TENT2: variants seen among roughly 807,000 people sequenced by gnomAD.
TENT2 encodes terminal nucleotidyltransferase 2.
A neutral mutation model predicts 72.2 loss-of-function variants in TENT2; 44 were observed. The ratio of observed to expected loss-of-function variants is 0.61; its 90% confidence interval spans 0.48 to 0.78. The LOEUF is 0.78. Ranked by LOEUF, TENT2 falls within the 30% of genes least tolerant of loss-of-function variation. TENT2 has a pLI of 0.00. For missense variants in TENT2, 541 were observed against 569.6 expected (o/e 0.95, Z 0.51); for synonymous variants, 212 against 192.5 (o/e 1.10, Z -0.84).
intron 10 of TENT2, among the ~76,000 whole-genome samples, chr5:79,654,418 C>T (rs535639435): frequency 2.7e-5 from 4 of 149,512 alleles, no homozygotes; most frequent in African/African-American, 7.4e-5. Context: ...GCAACAAGAG[C>T]GAAACTCTGT....
At chr5:79,660,561 G>A (rs555125357) in intron 11 of TENT2, among the ~76,000 whole-genome samples, 30 of 152,222 alleles carry the variant, frequency 2.0e-4, no homozygotes, top group African/African-American at 6.7e-4. Context: ...TAGCTCTTCT[G>A]TGTAGTTAAA....
At chr5:79,673,673 C>T (rs1291461746) in intron 12 of TENT2, among the ~76,000 whole-genome samples, 1 of 151,982 alleles carries the variant, frequency 6.6e-6, no homozygotes, top group Non-Finnish European at 1.5e-5. Context: ...ATGCCAGTCC[C>T]ATGCTGGTTT....
At chr5:79,623,533 T>C in intron 4 of TENT2, 44 bp downstream of exon 4, 2 of 1,345,280 alleles carry the variant, frequency 1.5e-6, no homozygotes, top group Middle Eastern at 1.9e-4. Flanking sequence ...GGGAATTTAG[T>C]ATAAATAATG....
In TENT2 at chr5:79,687,607, T is replaced by TC. The variant is rs1173094674; in HGVS notation, c.*2335dup. Among the ~76,000 whole-genome samples the TC allele has an allele frequency of 6.6e-6, 1 of 152,338 alleles. No individual in the cohort carries two copies. Among genetic ancestry groups the TC allele is most frequent in the East Asian group, 1.9e-4 (1 of 5,190 alleles). ...GGAATAATAATGACAAGACAAAAAGTCTATACCTGTTCGGTACAGATGCAA... is the reference window on the plus strand; with the variant it reads ...GGAATAATAATGACAAGACAAAAAGTCCTATACCTGTTCGGTACAGATGCAA... On this transcript the variant is annotated 3_prime_UTR_variant, in exon 15 of 15. Coordinates refer to ENST00000453514, the MANE Select transcript of TENT2 (RefSeq NM_001114394.3).
chr5:79,663,893 ACGAGGTGTGCC>A (rs1580552076), intron 11 of TENT2, among the ~76,000 whole-genome samples: 1 of 152,154 alleles, frequency 6.6e-6, no homozygotes, highest in Non-Finnish European at 1.5e-5. Context: ...GTGCAACAAA[ACGAGGTGTGCC>A]TGTATATATA....
At chr5:79,629,165 G>T (rs1772973232) in intron 4 of TENT2, among the ~76,000 whole-genome samples, 1 of 152,146 alleles carries the variant, frequency 6.6e-6, no homozygotes, top group African/African-American at 2.4e-5. Flanking sequence ...TTTTTTCTTT[G>T]TTGTGACAGT....
At position 79,668,988 on chromosome 5, in the gene TENT2, C is replaced by T. The variant is rs1436965549; in HGVS notation, c.1168C>T (p.Leu390Phe). Reference sequence around the variant, plus strand: ...AAAGAATGAATCAAACCTTGGGGACCTCTTACTGGGCTTTCTTAAATATTA... The same window carrying T: ...AAAGAATGAATCAAACCTTGGGGACTTCTTACTGGGCTTTCTTAAATATTA... ...LSKNESNLGD[L>F]LLGFLKYYAT... Residue 390 changes from leucine (L) to phenylalanine (F), a missense_variant, in exon 12 of 15, where the codon CTC (leucine) becomes TTC (phenylalanine). By Grantham distance (22) the Leu-to-Phe change is conservative. Coordinates refer to ENST00000453514, the MANE Select transcript of TENT2 (RefSeq NM_001114394.3). 6.2e-7 allele frequency: 1 copy of T among 1,613,732 alleles called. No individual in the cohort carries two copies. The highest frequency in any genetic ancestry group is 8.5e-7 in the Non-Finnish European group (1 of 1,179,814).
chr5:79,644,848 A>G (rs1787546339), intron 7 of TENT2: 2 of 271,094 alleles, frequency 7.4e-6, no homozygotes, highest in African/African-American at 2.2e-5. Context: ...TAGCCTAGAT[A>G]TATTTTCACT....
chr5:79,666,397 G>T (rs1274037326), intron 11 of TENT2, among the ~76,000 whole-genome samples: 1 of 150,108 alleles, frequency 6.7e-6, no homozygotes, highest in East Asian at 2.0e-4. Flanking sequence ...TTGCGATAAG[G>T]TCTTGCTCAA....
intron 4 of TENT2, among the ~76,000 whole-genome samples, chr5:79,639,503 A>G (rs1737940441): frequency 6.6e-6 from 1 of 150,722 alleles, no homozygotes; most frequent in South Asian, 2.1e-4. Context: ...TTGACCTAAG[A>G]TTAGGGTTTT....
At chr5:79,632,531 A>G (rs1776409648) in intron 4 of TENT2, among the ~76,000 whole-genome samples, 2 of 152,212 alleles carry the variant, frequency 1.3e-5, no homozygotes, top group South Asian at 4.1e-4. Flanking sequence ...TCTGGTTAGT[A>G]GAAGGTATTA....
intron 11 of TENT2, among the ~76,000 whole-genome samples, chr5:79,666,229 A>G (rs879351122): frequency 1.4e-5 from 2 of 143,112 alleles, no homozygotes; most frequent in Non-Finnish European, 3.0e-5. Context: ...CCTCGAGGGA[A>G]CCGCTCGCCT....
In TENT2 at chr5:79,669,048, G is replaced by T. The variant is rs1561572073; in HGVS notation, c.1208+20G>T. The T allele has an allele frequency of 3.1e-6, 5 of 1,610,962 alleles. No individual in the cohort carries two copies. In the Admixed American group the frequency reaches 5.0e-5, roughly 16 times the overall value. On this transcript the variant is annotated intron_variant, in intron 12 of 14. Transcript: ENST00000453514. The stretch of plus-strand genomic sequence containing the variant: ...ATTTGAGTAAGTAAAACTTTAAATT[G>T]TGTTTGTTCACTTATATGTGTGTGT...
chr5:79,665,652 C>T (rs1806966896), intron 11 of TENT2, among the ~76,000 whole-genome samples: 2 of 152,098 alleles, frequency 1.3e-5, no homozygotes, highest in East Asian at 1.9e-4. Flanking sequence ...ACAGGTTATA[C>T]ATTTGATTAT....
chr5:79,641,371 A>G (rs1024082117), intron 6 of TENT2, among the ~76,000 whole-genome samples, 175 bp downstream of exon 6: 2 of 151,818 alleles, frequency 1.3e-5, no homozygotes, highest in Non-Finnish European at 2.9e-5. Flanking sequence ...TGTGCACAAT[A>G]AGCATAATAG....
chr5:79,682,056 T>G lies in TENT2; in HGVS notation c.1375T>G (p.Leu459Val). 6.2e-7 allele frequency: 1 copy of G among 1,611,110 alleles called. No homozygotes were observed. The highest frequency in any genetic ancestry group is 2.2e-5 in the East Asian group (1 of 44,786). The change falls in exon 14 of 15, where the codon TTA (leucine) becomes GTA (valine). Residue 459 changes from leucine to valine, a missense_variant. Leu to Val is a conservative substitution (Grantham distance 32, BLOSUM62 1). Transcript: ENST00000453514. The stretch of plus-strand genomic sequence containing the variant: ...ATTTGATATGATCAAGGATCAATTT[T>G]TAAAGGTAAACAATGCATTAGATCA... Reference protein sequence around the residue: ...QKFDMIKDQFLKSWHRLKNKR... With the variant: ...QKFDMIKDQFVKSWHRLKNKR...
chr5:79,657,722 A>G (rs1798917316), intron 11 of TENT2, among the ~76,000 whole-genome samples: 2 of 152,044 alleles, frequency 1.3e-5, no homozygotes, highest in South Asian at 2.1e-4. Context: ...GTTTTCCTCC[A>G]TAGTCATTCT....
At chr5:79,668,615 T>TAAAA in intron 11 of TENT2, 2 of 284,802 alleles carry the variant, frequency 7.0e-6, no homozygotes, top group East Asian at 7.1e-5. Context: ...AGGTTTTATT[T>TAAAA]ATGAGTTAGA....
intron 8 of TENT2, among the ~76,000 whole-genome samples, chr5:79,646,801 C>T (rs1789432621): frequency 6.7e-6 from 1 of 148,218 alleles, no homozygotes; most frequent in Non-Finnish European, 1.5e-5. Flanking sequence ...CAGGGTTTTA[C>T]CATGTTGCCC....
Sources: allele counts gnomAD v4.1 joint callset (sites outside exome capture counted in the v4.1 genomes callset), GRCh38; gene constraint gnomAD v4.1.1; transcripts MANE v1.5; gene names NCBI Gene and HGNC (gene_info 2026-07-23, HGNC 2026-07-21).